CSMD1: variants seen among roughly 807,000 people sequenced by gnomAD.
The protein encoded by CSMD1 is CUB and Sushi multiple domains 1, also known as CUB and sushi domain-containing protein 1.
Under a neutral mutation model 417.5 loss-of-function variants are expected in CSMD1, and 213 were observed. The observed-to-expected ratio is 0.51, with a 90% CI of 0.46 to 0.57. CSMD1 has a LOEUF of 0.57. Ranked by LOEUF, CSMD1 falls within the 20% of genes least tolerant of loss-of-function variation. CSMD1 has a pLI of 0.00. For missense variants in CSMD1, 6,923 were observed against 4,529.7 expected, an observed-to-expected ratio of 1.53 and a Z score of -15.17; for synonymous variants, 2,862 against 1,736.8, an observed-to-expected ratio of 1.65 and a Z score of -16.11.
chr8:4,910,905 G>T (rs1472490207), intron 1 of CSMD1, among the ~76,000 whole-genome samples: 1 of 152,134 alleles, frequency 6.6e-6, no homozygotes, highest in East Asian at 1.9e-4. Context: ...GGACCCAGTG[G>T]GAGGTAATTG....
At chr8:4,770,044 T>C (rs1241164944) in intron 1 of CSMD1, among the ~76,000 whole-genome samples, 1 of 151,920 alleles carries the variant, frequency 6.6e-6, no homozygotes, top group African/African-American at 2.4e-5. Context: ...CTTTCTCCCA[T>C]TCAGGAAATA....
At chr8:4,869,441 A>T (rs1802607402) in intron 1 of CSMD1, among the ~76,000 whole-genome samples, 1 of 152,064 alleles carries the variant, frequency 6.6e-6, no homozygotes, top group Non-Finnish European at 1.5e-5. Context: ...TAATCACTAA[A>T]TTTTAATGAA....
chr8:4,191,377 C>A lies in CSMD1; in HGVS notation c.416-159278G>T, dbSNP rs1025114298. 2.6e-5 allele frequency among the ~76,000 whole-genome samples: 4 copies of A among 151,978 alleles called. No homozygotes were observed. In the South Asian group the frequency reaches 6.2e-4, roughly 24 times the overall value. On this transcript the variant is annotated intron_variant, in intron 3 of 69. Transcript: ENST00000635120. Reference sequence around the variant, plus strand: ...CGCCACTGCACTCCAGCCTGGGCAACAGAGCAAGACTCTGTCTCAGAAAAA... The same window carrying A: ...CGCCACTGCACTCCAGCCTGGGCAAAAGAGCAAGACTCTGTCTCAGAAAAA...
intron 1 of CSMD1, among the ~76,000 whole-genome samples, chr8:4,914,310 C>T (rs1196274861): frequency 6.6e-6 from 1 of 152,126 alleles, no homozygotes; most frequent in Non-Finnish European, 1.5e-5. Context: ...GGTGCGGTGG[C>T]TCACACCTGT....
chr8:4,901,504 G>C (rs1275225656), intron 1 of CSMD1, among the ~76,000 whole-genome samples: 4 of 152,036 alleles, frequency 2.6e-5, no homozygotes, highest in Non-Finnish European at 5.9e-5. Context: ...TTCCATCTTT[G>C]TGAGCTTAAA....
At chr8:3,481,105 C>G (rs1315766112) in intron 11 of CSMD1, among the ~76,000 whole-genome samples, 1 of 137,122 alleles carries the variant, frequency 7.3e-6, no homozygotes, top group African/African-American at 2.7e-5. Flanking sequence ...GCAGTGAGCC[C>G]AGATTAGCCA....
chr8:4,361,126 A>C (rs552135344), intron 3 of CSMD1, among the ~76,000 whole-genome samples: 1 of 152,280 alleles, frequency 6.6e-6, no homozygotes, highest in South Asian at 2.1e-4. Context: ...ATAGTCACTG[A>C]ATCTCTGAGC....
chr8:3,865,362 G>C (rs1372927173), intron 5 of CSMD1, among the ~76,000 whole-genome samples: 1 of 152,156 alleles, frequency 6.6e-6, no homozygotes, highest in Non-Finnish European at 1.5e-5. Flanking sequence ...GTATGAAACT[G>C]GGTTTGCAAC....
At chr8:2,967,983 C>G (rs1174903772) in intron 57 of CSMD1, among the ~76,000 whole-genome samples, 1 of 152,170 alleles carries the variant, frequency 6.6e-6, no homozygotes, top group Non-Finnish European at 1.5e-5. Context: ...AATCACAGCC[C>G]TCTTCTCTGA....
chr8:3,493,180 G>C (rs1042368802), intron 11 of CSMD1, among the ~76,000 whole-genome samples: 1 of 151,568 alleles, frequency 6.6e-6, no homozygotes, highest in African/African-American at 2.4e-5. Flanking sequence ...TGTAATCCCA[G>C]CTACTCAGGA....
intron 3 of CSMD1, among the ~76,000 whole-genome samples, chr8:4,317,474 G>T (rs995572288): frequency 3.3e-5 from 5 of 152,124 alleles, no homozygotes; most frequent in Non-Finnish European, 4.4e-5. Flanking sequence ...GCCAGTGTAA[G>T]GCATGTACAT....
intron 25 of CSMD1, among the ~76,000 whole-genome samples, chr8:3,305,051 ATTT>A (rs1352500194): frequency 2.0e-5 from 3 of 152,226 alleles, no homozygotes; most frequent in Non-Finnish European, 4.4e-5. Context: ...AATTTAATTA[ATTT>A]ATTTACTTAA....
chr8:3,718,945 A>G (rs1039837894), intron 6 of CSMD1, among the ~76,000 whole-genome samples: 1 of 152,116 alleles, frequency 6.6e-6, no homozygotes, highest in Non-Finnish European at 1.5e-5. Flanking sequence ...AAACAGAGGG[A>G]GAATAGAAGG....
intron 41 of CSMD1, among the ~76,000 whole-genome samples, chr8:3,135,118 G>C (rs1251722095): frequency 6.6e-6 from 1 of 152,140 alleles, no homozygotes; most frequent in Non-Finnish European, 1.5e-5. Flanking sequence ...GTCTCACCAT[G>C]TTACCCAGGC....
chr8:3,892,178 G>C (rs1807021105), intron 5 of CSMD1, among the ~76,000 whole-genome samples: 2 of 152,138 alleles, frequency 1.3e-5, no homozygotes, highest in African/African-American at 2.4e-5. Flanking sequence ...GAGGCATTTA[G>C]CCTGCTTCCA....
At chr8:3,839,545 TTATA>T (rs199550537) in intron 5 of CSMD1, among the ~76,000 whole-genome samples, 9 of 129,352 alleles carry the variant, frequency 7.0e-5, no homozygotes, top group East Asian at 2.2e-4. Context: ...ATTTTATATA[TTATA>T]TATATATTAT....
At chr8:4,193,923 T>C (rs113485315) in intron 3 of CSMD1, among the ~76,000 whole-genome samples, 9 of 151,944 alleles carry the variant, frequency 5.9e-5, no homozygotes, top group African/African-American at 1.9e-4. Flanking sequence ...GAAAGTACAA[T>C]GTTTAATGGT....
chr8:3,569,331 C>T (rs1799849177), intron 10 of CSMD1, among the ~76,000 whole-genome samples: 1 of 152,134 alleles, frequency 6.6e-6, no homozygotes, highest in Non-Finnish European at 1.5e-5. Flanking sequence ...AATTATTTTG[C>T]ATGAGGAGTT....
At chr8:4,848,440 A>G (rs915398370) in intron 1 of CSMD1, among the ~76,000 whole-genome samples, 3 of 152,192 alleles carry the variant, frequency 2.0e-5, no homozygotes, top group South Asian at 4.1e-4. Context: ...ATTGTAACGC[A>G]GTGCATTACT....
Sources: allele counts gnomAD v4.1 joint callset (sites outside exome capture counted in the v4.1 genomes callset), GRCh38; gene constraint gnomAD v4.1.1; transcripts MANE v1.5; gene names NCBI Gene and HGNC (gene_info 2026-07-23, HGNC 2026-07-21).